The following RPS6KC1 variants were observed in gnomAD, a reference collection of about 807,000 sequenced individuals.
RPS6KC1 encodes inactive ribosomal protein S6 kinase delta-1.
A neutral mutation model predicts 103.8 loss-of-function variants in RPS6KC1; 54 were observed. The ratio of observed to expected loss-of-function variants is 0.52; its 90% CI spans 0.42 to 0.65. The LOEUF is 0.65. RPS6KC1 is among the 30% of genes least tolerant of loss of function. RPS6KC1 has a pLI of 0.00. For synonymous variants in RPS6KC1, 439 were observed against 438.7 expected (o/e 1.00, Z -0.01); for missense variants, 1,151 against 1,253.8 (o/e 0.92, Z 1.24).
At chr1:213,615,980 T>C in the RPS6KC1 span, among the ~76,000 whole-genome samples, 1 of 152,214 alleles carries the variant, frequency 6.6e-6, no homozygotes, top group Non-Finnish European at 1.5e-5. Context: ...TAACTTTAGT[T>C]CTTCACCCAA....
the RPS6KC1 span, among the ~76,000 whole-genome samples, chr1:213,445,340 A>G: frequency 1.3e-5 from 2 of 152,196 alleles, no homozygotes; most frequent in African/African-American, 4.8e-5. Context: ...TCTCTTGGGT[A>G]TATACCTAGG....
At chr1:213,379,289 T>A in the RPS6KC1 span, among the ~76,000 whole-genome samples, 1 of 152,172 alleles carries the variant, frequency 6.6e-6, no homozygotes, top group African/African-American at 2.4e-5. Context: ...ATTACAGATA[T>A]AATTAGTTAA....
At chr1:213,664,808 G>T in the RPS6KC1 span, among the ~76,000 whole-genome samples, 1 of 151,992 alleles carries the variant, frequency 6.6e-6, no homozygotes, top group Non-Finnish European at 1.5e-5. Flanking sequence ...TTGAAGGAGT[G>T]ATTTTGATTG....
chr1:213,823,629 G>A, the RPS6KC1 span, among the ~76,000 whole-genome samples: 1 of 151,824 alleles, frequency 6.6e-6, no homozygotes, highest in Non-Finnish European at 1.5e-5. Flanking sequence ...AGGATCCCAA[G>A]GAGGTCACTT....
chr1:213,124,417 C>CT (rs1337840730), intron 5 of RPS6KC1, among the ~76,000 whole-genome samples: 1 of 152,120 alleles, frequency 6.6e-6, no homozygotes, highest in African/African-American at 2.4e-5. Flanking sequence ...CCTACCTAGA[C>CT]TGAGAACCTG....
chr1:213,281,456 G>T, the RPS6KC1 span, among the ~76,000 whole-genome samples: 32 of 152,344 alleles, frequency 2.1e-4, no homozygotes, highest in South Asian at 6.6e-3. Flanking sequence ...TATCAGGCAG[G>T]TACTTCCTTA....
chr1:213,117,871 A>C (rs1327469511), intron 5 of RPS6KC1, among the ~76,000 whole-genome samples: 2 of 151,382 alleles, frequency 1.3e-5, no homozygotes, highest in African/African-American at 4.9e-5. Context: ...AAAACAGAAA[A>C]ATTAGCTGGG....
chr1:213,410,863 G>C, the RPS6KC1 span, among the ~76,000 whole-genome samples: 3 of 151,902 alleles, frequency 2.0e-5, no homozygotes, highest in Non-Finnish European at 2.9e-5. Context: ...AAAAGAATAA[G>C]AGACTGTGAT....
chr1:213,282,658 CCA>C, the RPS6KC1 span, among the ~76,000 whole-genome samples: 1 of 152,238 alleles, frequency 6.6e-6, no homozygotes, highest in Non-Finnish European at 1.5e-5. Context: ...TCAAGCATGG[CCA>C]TATTAACTCT....
At chr1:213,776,519 A>G in the RPS6KC1 span, among the ~76,000 whole-genome samples, 1 of 152,162 alleles carries the variant, frequency 6.6e-6, no homozygotes, top group Admixed American at 6.5e-5. Flanking sequence ...CAGTGAGCTT[A>G]AAACAGTCAG....
intron 4 of RPS6KC1, among the ~76,000 whole-genome samples, chr1:213,108,733 T>C (rs1157063940): frequency 6.6e-6 from 1 of 151,826 alleles, no homozygotes; most frequent in Non-Finnish European, 1.5e-5. Context: ...ATAGCTCACT[T>C]TAACCTCAAA....
chr1:213,369,573 T>C, the RPS6KC1 span, among the ~76,000 whole-genome samples: 3 of 152,236 alleles, frequency 2.0e-5, no homozygotes, highest in African/African-American at 7.2e-5. Context: ...GTGAAACCCA[T>C]TCTTTAGGGC....
At chr1:213,396,831 A>G in the RPS6KC1 span, among the ~76,000 whole-genome samples, 1 of 152,186 alleles carries the variant, frequency 6.6e-6, no homozygotes, top group Non-Finnish European at 1.5e-5. Context: ...CTCAGCTGAT[A>G]GTGGGGTGGG....
chr1:213,337,828 G>A, the RPS6KC1 span, among the ~76,000 whole-genome samples: 15 of 152,156 alleles, frequency 9.9e-5, no homozygotes, highest in Admixed American at 2.0e-4. Context: ...CTCGTGCAGC[G>A]TATCATGCTG....
intron 8 of RPS6KC1, among the ~76,000 whole-genome samples, chr1:213,188,075 T>C (rs1364525011): frequency 6.6e-6 from 1 of 152,090 alleles, no homozygotes; most frequent in East Asian, 1.9e-4. Flanking sequence ...CCTCTCAGAT[T>C]GGGCATCTCT....
the RPS6KC1 span, among the ~76,000 whole-genome samples, chr1:213,477,321 A>G: frequency 2.6e-5 from 4 of 152,104 alleles, no homozygotes; most frequent in Admixed American, 6.6e-5. Context: ...CGGGCTTGCA[A>G]TGGAGATCTT....
At chr1:213,375,296 C>T in the RPS6KC1 span, among the ~76,000 whole-genome samples, 1 of 151,862 alleles carries the variant, frequency 6.6e-6, no homozygotes, top group African/African-American at 2.4e-5. Flanking sequence ...CACATACATA[C>T]ACACATACAC....
At chr1:213,780,380 G>A in the RPS6KC1 span, among the ~76,000 whole-genome samples, 2 of 152,174 alleles carry the variant, frequency 1.3e-5, no homozygotes, top group Non-Finnish European at 2.9e-5. Flanking sequence ...GACAGCACAA[G>A]GTGGGGACAG....
the RPS6KC1 span, among the ~76,000 whole-genome samples, chr1:213,594,562 G>A: frequency 6.6e-6 from 1 of 152,014 alleles, no homozygotes; most frequent in Non-Finnish European, 1.5e-5. Context: ...TTTAATCAAG[G>A]CCCTCAAGTA....
Sources: gnomAD v4.1 joint callset for allele counts (sites outside exome capture counted in the v4.1 genomes callset) on GRCh38, gnomAD v4.1.1 for gene constraint, MANE v1.5 for transcripts, NCBI Gene and HGNC (gene_info 2026-07-23, HGNC 2026-07-21) for gene names.